ZBTB38: variants seen among roughly 807,000 people sequenced by gnomAD.
ZBTB38 encodes zinc finger and BTB domain containing 38.
Under a neutral mutation model 76.8 loss-of-function variants are expected in ZBTB38, and 20 were observed. That is an observed-to-expected ratio of 0.26 (90% confidence interval 0.18 to 0.38). The LOEUF is 0.38. ZBTB38 is among the 10% of genes least tolerant of loss of function. The pLI is 1.00. For synonymous variants in ZBTB38, 504 were observed against 544.2 expected (o/e 0.93, Z 1.03); for missense variants, 1,082 against 1,482.3 (o/e 0.73, Z 4.43).
rs76180737 is a variant in ZBTB38, at chr3:141,438,967, T to A, written c.1-3422T>A. Among the ~76,000 whole-genome samples, 13 of 56,030 alleles carry A rather than the reference T, an allele frequency of 2.3e-4. No homozygotes were observed. In the South Asian group the frequency reaches 5.2e-3, roughly 22 times the overall value. The allele number at this position is 56,030 out of a possible 152,430, so 36.8% of individuals were successfully genotyped here. A position where few individuals can be genotyped will look rare whatever the true frequency, so the allele number is the denominator to read the frequency against. On this transcript the variant is annotated intron_variant, in intron 5 of 5. Transcript: ENST00000321464. ...CAGTACCCACTTTGATCATTTTTAA[T>A]TTTTTTTTTTTTTTTGCCTATAGTG...
chr3:141,342,725 C>CTT (rs60578286), intron 1 of ZBTB38, among the ~76,000 whole-genome samples: 80 of 108,810 alleles, frequency 7.4e-4, no homozygotes, highest in African/African-American at 1.9e-3. Context: ...GTCCCATGAT[C>CTT]TTTTTTTTTT....
At position 141,444,297 on chromosome 3, in the gene ZBTB38, G is replaced by T. The variant is rs1454158914; in HGVS notation, c.1909G>T (p.Ala637Ser). ...NSPAIPLETS[A>S]CQDIPTSANV... Reference sequence around the variant, plus strand: ...TCCAGCCATCCCATTGGAAACATCTGCATGTCAGGACATACCCACTTCTGC... The same window carrying T: ...TCCAGCCATCCCATTGGAAACATCTTCATGTCAGGACATACCCACTTCTGC... The change falls in exon 6 of 6, where the codon GCA (alanine) becomes TCA (serine). Residue 637 changes from alanine to serine, a missense_variant. Physicochemically the swap from Ala to Ser is moderately conservative, Grantham distance 99. Around this residue, in one of 8 missense-constraint regions of ZBTB38, gnomAD observed 471 missense variants for 581.0 expected, o/e 0.81. Coordinates refer to ENST00000321464, the MANE Select transcript of ZBTB38 (RefSeq NM_001376113.1). The surrounding 1 kb of genome is among the most constrained non-coding windows in gnomAD (Gnocchi z 5.1). 8.1e-6 allele frequency: 13 copies of T among 1,614,084 alleles called. No homozygotes were observed. The highest frequency in any genetic ancestry group is 1.1e-5 in the Non-Finnish European group (13 of 1,180,046).
chr3:141,326,832 G>T (rs1215315879), intron 1 of ZBTB38, among the ~76,000 whole-genome samples: 1 of 152,124 alleles, frequency 6.6e-6, no homozygotes, highest in African/African-American at 2.4e-5. Context: ...TGAGGGGGGT[G>T]GTGTCATTAT....
At chr3:141,411,470 C>T (rs942124195) in intron 5 of ZBTB38, among the ~76,000 whole-genome samples, 2 of 152,210 alleles carry the variant, frequency 1.3e-5, no homozygotes, top group African/African-American at 4.8e-5. Context: ...CAGCCATAAC[C>T]GGTGCCTGTG....
intron 5 of ZBTB38, among the ~76,000 whole-genome samples, chr3:141,417,375 A>C (rs1397181321): frequency 1.3e-5 from 2 of 152,080 alleles, no homozygotes; most frequent in Non-Finnish European, 2.9e-5. Context: ...TCTCAGAGGG[A>C]GCACAGACTT....
chr3:141,400,880 A>ATT (rs778679971), intron 4 of ZBTB38, among the ~76,000 whole-genome samples: 11 of 152,256 alleles, frequency 7.2e-5, no homozygotes, highest in Admixed American at 5.2e-4. Flanking sequence ...GCTGGGCTTT[A>ATT]AACCCAGGCA....
At chr3:141,342,902 C>T (rs2148912029) in intron 1 of ZBTB38, among the ~76,000 whole-genome samples, 1 of 151,730 alleles carries the variant, frequency 6.6e-6, no homozygotes, top group South Asian at 2.1e-4. Context: ...GTCTTTTAAG[C>T]TAGGGGTGGA....
intron 1 of ZBTB38, among the ~76,000 whole-genome samples, chr3:141,356,292 G>A (rs1448569418): frequency 6.6e-6 from 1 of 152,084 alleles, no homozygotes; most frequent in Non-Finnish European, 1.5e-5. Context: ...GTAAGGAATA[G>A]GACTGCTCAT....
chr3:141,371,045 CTTTTTTTTTTTT>C (rs754872291), intron 2 of ZBTB38, among the ~76,000 whole-genome samples: 24 of 72,012 alleles, frequency 3.3e-4, no homozygotes, highest in South Asian at 1.8e-3. Flanking sequence ...TTCTTTCTTT[CTTTTTTTTTTTT>C]TTTTTTTTTT....
At chr3:141,402,264 C>T (rs1559937915) in intron 4 of ZBTB38, 1 of 152,050 alleles carries the variant, frequency 6.6e-6, no homozygotes, top group South Asian at 2.1e-4. Context: ...GGCTGCGGGT[C>T]GGGCCGACCT....
intron 5 of ZBTB38, among the ~76,000 whole-genome samples, chr3:141,409,957 C>T (rs965601296): frequency 6.6e-6 from 1 of 152,210 alleles, no homozygotes; most frequent in African/African-American, 2.4e-5. Flanking sequence ...AGAAGAAAGA[C>T]ATTCGTGAGA....
At chr3:141,351,818 C>A (rs1302287803) in intron 1 of ZBTB38, among the ~76,000 whole-genome samples, 1 of 151,042 alleles carries the variant, frequency 6.6e-6, no homozygotes, top group Non-Finnish European at 1.5e-5. Context: ...ATATTAAGTG[C>A]AATCGTGATC....
chr3:141,364,534 A>C (rs930825097), upstream of ZBTB38, among the ~76,000 whole-genome samples: 6 of 151,226 alleles, frequency 4.0e-5, no homozygotes, highest in African/African-American at 1.5e-4. Context: ...AAAATAAGCC[A>C]GGTGTGGTGG....
chr3:141,357,587 T>C (rs1213079837), intron 1 of ZBTB38, among the ~76,000 whole-genome samples: 2 of 152,226 alleles, frequency 1.3e-5, no homozygotes, highest in Non-Finnish European at 2.9e-5. Context: ...TTGAGTGCAG[T>C]GGCGCAATCT....
At chr3:141,364,852 T>C (rs1210006726), upstream of ZBTB38, among the ~76,000 whole-genome samples, 1 of 152,146 alleles carries the variant, frequency 6.6e-6, no homozygotes, top group Non-Finnish European at 1.5e-5. Context: ...TATCACATTG[T>C]ACCCACTAGG....
chr3:141,441,915 C>CAAA (rs557961494), intron 5 of ZBTB38, among the ~76,000 whole-genome samples: 11 of 137,516 alleles, frequency 8.0e-5, no homozygotes, highest in African/African-American at 2.7e-4. Flanking sequence ...GACTTTGTCT[C>CAAA]AAAAAAAAAA....
At chr3:141,358,060 G>T (rs1307793845) in intron 1 of ZBTB38, among the ~76,000 whole-genome samples, 1 of 152,188 alleles carries the variant, frequency 6.6e-6, no homozygotes, top group Non-Finnish European at 1.5e-5. Flanking sequence ...GTCCTGGTTT[G>T]TAATATTCTT....
Position 141,444,360 on chromosome 3 carries a change from G to A in ZBTB38, c.1972G>A (p.Glu658Lys). Residue 658 changes from glutamate (E) to lysine (K), a missense_variant, in exon 6 of 6, where the codon GAG becomes AAG. Around this residue, in one of 8 missense-constraint regions of ZBTB38, gnomAD observed 471 missense variants for 581.0 expected, o/e 0.81. Transcript: ENST00000321464. The surrounding 1 kb of genome is among the most constrained non-coding windows in gnomAD (Gnocchi z 5.1). Reference sequence around the variant, plus strand: ...TGCAGAGGGTACCAAATGGGGAGAGGAGGCATTGAAAATGGATCTTGACAA... The same window carrying A: ...TGCAGAGGGTACCAAATGGGGAGAGAAGGCATTGAAAATGGATCTTGACAA... The part of the protein sequence containing the change: ...QNAEGTKWGE[E>K]ALKMDLDNNF... 1 of 1,614,186 alleles carries A rather than the reference G, an allele frequency of 6.2e-7. No individual in the cohort carries two copies. The highest frequency in any genetic ancestry group is 8.5e-7 in the Non-Finnish European group (1 of 1,180,040).
intron 4 of ZBTB38, among the ~76,000 whole-genome samples, chr3:141,391,129 C>T (rs1948745073): frequency 6.6e-6 from 1 of 151,878 alleles, no homozygotes; most frequent in Admixed American, 6.6e-5. Flanking sequence ...TACTGCACTC[C>T]AGCCTGGGCA....
Sources: allele counts gnomAD v4.1 joint callset (sites outside exome capture counted in the v4.1 genomes callset), GRCh38; gene constraint gnomAD v4.1.1; regional missense constraint gnomAD v4.1.1; non-coding constraint Gnocchi (gnomAD v3.1); transcripts MANE v1.5; gene names NCBI Gene and HGNC (gene_info 2026-07-23, HGNC 2026-07-21).